Variants in ANK3 observed in about 807,000 individuals in gnomAD.
The protein encoded by ANK3 is ankyrin 3.
ANK3 carries 57 observed loss-of-function variants against 370.9 expected under a neutral mutation model. That is an observed-to-expected ratio of 0.15 (90% confidence interval 0.12 to 0.19). The LOEUF is 0.19. Ranked by LOEUF, ANK3 falls within the 10% of genes least tolerant of loss-of-function variation. The pLI is 1.00. For missense variants in ANK3, 4,439 were observed against 5,302.1 expected (o/e 0.84, Z 5.06); for synonymous variants, 1,929 against 1,946.3 (o/e 0.99, Z 0.23).
intron 2 of ANK3, among the ~76,000 whole-genome samples, chr10:60,481,499 G>T (rs202132594): frequency 1.3e-5 from 2 of 152,232 alleles, no homozygotes; most frequent in East Asian, 3.9e-4. Flanking sequence ...GTTTTGCTCT[G>T]TTGCCCAAGC....
rs2083543981 is a variant in ANK3, at chr10:60,075,345, T to C, written c.5536A>G (p.Thr1846Ala). The change falls in exon 37 of 44, where the codon ACA becomes GCA. Residue 1846 changes from threonine (T) to alanine (A), a missense_variant. This residue lies in a region of ANK3 where 679 missense variants were observed against 791.0 expected (regional missense o/e 0.86). Transcript: ENST00000280772. Reference sequence around the variant, plus strand: ...GACAGCAAGGCTGCTGCTGATTTTGTAAATGAATTAGAGTCTGGAAGTTTC... The same window carrying C: ...GACAGCAAGGCTGCTGCTGATTTTGCAAATGAATTAGAGTCTGGAAGTTTC... ...LKKLPDSNSF[T>A]KSAAALLSPI... 1 of 1,614,152 alleles carries C rather than the reference T, an allele frequency of 6.2e-7. No homozygotes were observed. The highest frequency in any genetic ancestry group is 1.1e-5 in the South Asian group (1 of 91,082).
At chr10:60,340,480 C>T (rs1173846818) in intron 1 of ANK3, among the ~76,000 whole-genome samples, 1 of 152,162 alleles carries the variant, frequency 6.6e-6, no homozygotes, top group East Asian at 1.9e-4. Flanking sequence ...GGTGCAATCT[C>T]AGCTCACTGC....
intron 2 of ANK3, among the ~76,000 whole-genome samples, chr10:60,571,638 T>C (rs1191645641): frequency 1.3e-5 from 2 of 152,236 alleles, no homozygotes; most frequent in African/African-American, 2.4e-5. Flanking sequence ...TTGTTTTTCT[T>C]TGTTACAGAT....
chr10:60,553,696 CTG>C (rs1394032828), intron 2 of ANK3, among the ~76,000 whole-genome samples: 5 of 151,980 alleles, frequency 3.3e-5, no homozygotes. Flanking sequence ...CAGGTGAAAA[CTG>C]AAATCAGTAT....
chr10:60,037,804 A>G (rs1477019496), intron 43 of ANK3, among the ~76,000 whole-genome samples: 1 of 152,200 alleles, frequency 6.6e-6, no homozygotes, highest in Non-Finnish European at 1.5e-5. Context: ...TTTGGTTTAT[A>G]CACCCAATAA....
chr10:60,375,280 T>C (rs572112525), intron 1 of ANK3, among the ~76,000 whole-genome samples: 1 of 152,348 alleles, frequency 6.6e-6, no homozygotes, highest in African/African-American at 2.4e-5. Context: ...CTTCTTTGCA[T>C]TGACAGTTAA....
intron 2 of ANK3, among the ~76,000 whole-genome samples, chr10:60,527,498 A>G (rs184271598): frequency 2.0e-5 from 3 of 152,270 alleles, no homozygotes; most frequent in Admixed American, 2.0e-4. Context: ...CAAAAATAGC[A>G]TATAAACCTG....
rs549995728 is a variant in ANK3 at position 60,187,553 on chromosome 10, G to T, written c.1888-641C>A. ...CAGGAAATTATGTTACAACATGCTC[G>T]ATAATTACTTGCTTTATTTAAATTG... On this transcript the variant is annotated intron_variant, in intron 16 of 43. Coordinates refer to ENST00000280772, the MANE Select transcript of ANK3 (RefSeq NM_020987.5). 5.3e-5 allele frequency among the ~76,000 whole-genome samples: 8 copies of T among 152,238 alleles called. No individual in the cohort carries two copies. In the South Asian group the frequency reaches 1.7e-3, roughly 32 times the overall value.
chr10:60,202,492 G>C lies in ANK3; in HGVS notation c.1392+510C>G, dbSNP rs531837952. 8.5e-5 allele frequency among the ~76,000 whole-genome samples: 13 copies of C among 152,354 alleles called. No homozygotes were observed. In the South Asian group the frequency reaches 2.7e-3, roughly 32 times the overall value. ...TAAGGTTAATGAACGTAGTTCGTAA[G>C]TCCTAACAATTTGTGGCCAACTAGA... On this transcript the variant is annotated intron_variant, in intron 12 of 43. Coordinates refer to ENST00000280772, the MANE Select transcript of ANK3 (RefSeq NM_020987.5).
At chr10:60,732,988 C>T (rs1452427365) in intron 1 of ANK3, among the ~76,000 whole-genome samples, 1 of 151,934 alleles carries the variant, frequency 6.6e-6, no homozygotes, top group Non-Finnish European at 1.5e-5. Context: ...CCCAAGTCCT[C>T]GGGCCCCCCT....
intron 1 of ANK3, among the ~76,000 whole-genome samples, chr10:60,320,500 C>T (rs1362115123): frequency 2.0e-5 from 3 of 152,140 alleles, no homozygotes; most frequent in African/African-American, 4.8e-5. Flanking sequence ...GAGGCTGAGG[C>T]GGGCATGAGA....
At chr10:60,657,824 T>C (rs1007800337) in intron 1 of ANK3, among the ~76,000 whole-genome samples, 16 of 152,142 alleles carry the variant, frequency 1.1e-4, no homozygotes, top group African/African-American at 3.6e-4. Context: ...GAGATGTGTC[T>C]GTAACTATTA....
At chr10:60,431,994 A>G (rs2064036836) in intron 2 of ANK3, among the ~76,000 whole-genome samples, 1 of 152,186 alleles carries the variant, frequency 6.6e-6, no homozygotes, top group Admixed American at 6.5e-5. Flanking sequence ...ATGAAATGAA[A>G]TCAGAATTCC....
intron 1 of ANK3, among the ~76,000 whole-genome samples, chr10:60,327,369 T>C (rs2050154897): frequency 6.6e-6 from 1 of 152,230 alleles, no homozygotes; most frequent in Admixed American, 6.5e-5. Flanking sequence ...TTTTGTTTTT[T>C]CTTTCTAAGT....
chr10:60,351,045 GA>G (rs1204823073), intron 1 of ANK3, among the ~76,000 whole-genome samples: 1 of 151,072 alleles, frequency 6.6e-6, no homozygotes, highest in African/African-American at 2.4e-5. Flanking sequence ...TTTTTTTAAA[GA>G]AACAATTGGA....
At chr10:60,399,806 G>A (rs942185893) in intron 2 of ANK3, among the ~76,000 whole-genome samples, 1 of 152,114 alleles carries the variant, frequency 6.6e-6, no homozygotes, top group African/African-American at 2.4e-5. Flanking sequence ...TTCTGCAGAG[G>A]TGGTGATATC....
chr10:60,065,256 A>G (rs908564866), intron 38 of ANK3, among the ~76,000 whole-genome samples: 4 of 152,206 alleles, frequency 2.6e-5, no homozygotes, highest in Non-Finnish European at 4.4e-5. Context: ...GATACATATG[A>G]TCTCACTATT....
chr10:60,033,912 T>C (rs909124849), intron 43 of ANK3, among the ~76,000 whole-genome samples: 1 of 152,090 alleles, frequency 6.6e-6, no homozygotes, highest in African/African-American at 2.4e-5. Flanking sequence ...CCAGTTTATA[T>C]AGAAGTTTTC....
chr10:60,719,610 T>C (rs2079835751), intron 1 of ANK3, among the ~76,000 whole-genome samples: 1 of 152,176 alleles, frequency 6.6e-6, no homozygotes. Context: ...TATACATTTA[T>C]TAGCCAGTTA....
Sources: gnomAD v4.1 joint callset for allele counts (sites outside exome capture counted in the v4.1 genomes callset) on GRCh38, gnomAD v4.1.1 for gene constraint, gnomAD v4.1.1 regional missense constraint, MANE v1.5 for transcripts, NCBI Gene and HGNC (gene_info 2026-07-23, HGNC 2026-07-21) for gene names.